PAX7: variants seen among roughly 807,000 people sequenced by gnomAD.
PAX7 encodes paired box protein Pax-7.
In PAX7, 18 loss-of-function variants were observed where a neutral mutation model predicts 50.7. The observed-to-expected ratio is 0.36, with a 90% confidence interval of 0.25 to 0.53. The LOEUF is 0.53. PAX7 is among the 20% of genes least tolerant of loss of function. PAX7 has a pLI of 0.93. For synonymous variants in PAX7, 310 were observed against 290.4 expected, an observed-to-expected ratio of 1.07 and a Z score of -0.69; for missense variants, 644 against 702.9, an observed-to-expected ratio of 0.92 and a Z score of 0.95.
At chr1:18,640,661 TCAAA>T (rs2088237022) in intron 4 of PAX7, among the ~76,000 whole-genome samples, 2 of 152,184 alleles carry the variant, frequency 1.3e-5, no homozygotes, top group East Asian at 1.9e-4. Flanking sequence ...GGCAATCTAA[TCAAA>T]CAGAGTCCAG....
chr1:18,692,942 A>C (rs1570179265), intron 5 of PAX7, among the ~76,000 whole-genome samples: 1 of 151,798 alleles, frequency 6.6e-6, no homozygotes, highest in Non-Finnish European at 1.5e-5. Context: ...ACATTGCCTC[A>C]CCTCCCCAGG....
intron 4 of PAX7, among the ~76,000 whole-genome samples, chr1:18,653,658 C>T (rs892209920): frequency 6.6e-6 from 1 of 151,988 alleles, no homozygotes; most frequent in South Asian, 2.1e-4. Flanking sequence ...TCCACCATGT[C>T]CAGGCACAGG....
chr1:18,741,840 AT>A (rs1931151276), intron 8 of PAX7, among the ~76,000 whole-genome samples: 1 of 152,204 alleles, frequency 6.6e-6, no homozygotes, highest in African/African-American at 2.4e-5. Context: ...AGTGTTTTGC[AT>A]GTACAAAGGG....
At chr1:18,719,631 A>T (rs576679777) in intron 7 of PAX7, among the ~76,000 whole-genome samples, 1 of 152,356 alleles carries the variant, frequency 6.6e-6, no homozygotes, top group African/African-American at 2.4e-5. Context: ...CAGGGGCAGA[A>T]GTTCCGGAGC....
chr1:18,642,582 T>C (rs1022004689), intron 4 of PAX7, among the ~76,000 whole-genome samples: 1 of 152,150 alleles, frequency 6.6e-6, no homozygotes, highest in African/African-American at 2.4e-5. Context: ...TTAGAGGCGC[T>C]GGGAAGATTA....
chr1:18,674,607 C>T (rs1223355451), intron 4 of PAX7, among the ~76,000 whole-genome samples: 3 of 152,194 alleles, frequency 2.0e-5, no homozygotes. Flanking sequence ...AAGCTGGCCC[C>T]CTTGGCATCG....
chr1:18,658,769 T>G (rs529981457), intron 4 of PAX7, among the ~76,000 whole-genome samples: 1 of 152,334 alleles, frequency 6.6e-6, no homozygotes, highest in African/African-American at 2.4e-5. Flanking sequence ...GACACGTGGC[T>G]GGGCAAGGTT....
chr1:18,659,805 C>T (rs2088574273), intron 4 of PAX7, among the ~76,000 whole-genome samples: 1 of 152,146 alleles, frequency 6.6e-6, no homozygotes, highest in African/African-American at 2.4e-5. Flanking sequence ...GATTGTTGCT[C>T]ACCCTACCCC....
intron 4 of PAX7, among the ~76,000 whole-genome samples, chr1:18,676,361 T>G: frequency 6.8e-6 from 1 of 146,198 alleles, no homozygotes; most frequent in South Asian, 2.2e-4. Context: ...TGCAGTAGAT[T>G]GATGGGGGCA....
At chr1:18,710,645 C>T (rs971438371) in intron 7 of PAX7, among the ~76,000 whole-genome samples, 13 of 152,166 alleles carry the variant, frequency 8.5e-5, no homozygotes, top group African/African-American at 3.1e-4. Context: ...GCAACAAGAT[C>T]TCATTAACAA....
chr1:18,716,758 C>T lies in PAX7; in HGVS notation c.1155+13462C>T, dbSNP rs1236530043. 3.3e-5 allele frequency among the ~76,000 whole-genome samples: 5 copies of T among 152,078 alleles called. No homozygotes were observed. The East Asian group carries it at 7.8e-4, about 24-fold the overall frequency. On this transcript the variant is annotated intron_variant, in intron 7 of 8. Transcript: ENST00000420770. ...TGGCCTCGCCTCTACCCATTCTCTT[C>T]CCCCTAATCTCTCTCATTCTCCTCT...
chr1:18,729,060 G>C (rs1000446846), intron 7 of PAX7, among the ~76,000 whole-genome samples: 5 of 152,182 alleles, frequency 3.3e-5, no homozygotes, highest in Non-Finnish European at 7.3e-5. Flanking sequence ...AGGAACCAAG[G>C]CAAGTTGTGA....
intron 7 of PAX7, among the ~76,000 whole-genome samples, chr1:18,733,605 C>G (rs1489925299): frequency 6.6e-6 from 1 of 152,080 alleles, no homozygotes; most frequent in Non-Finnish European, 1.5e-5. Flanking sequence ...GAGGGGAGAC[C>G]CCCAGGGCTG....
intron 4 of PAX7, among the ~76,000 whole-genome samples, chr1:18,682,974 C>T (rs1256196295): frequency 1.3e-5 from 2 of 152,180 alleles, no homozygotes; most frequent in African/African-American, 4.8e-5. Context: ...GGCAGGGCAC[C>T]TGGCTGGGGT....
intron 5 of PAX7, among the ~76,000 whole-genome samples, chr1:18,693,029 G>T (rs2089097479): frequency 6.6e-6 from 1 of 152,168 alleles, no homozygotes; most frequent in Non-Finnish European, 1.5e-5. Flanking sequence ...GCTGGAAAGG[G>T]CTGAGGCTGG....
At chr1:18,699,881 C>T (rs1247979556) in intron 5 of PAX7, among the ~76,000 whole-genome samples, 1 of 152,062 alleles carries the variant, frequency 6.6e-6, no homozygotes, top group Non-Finnish European at 1.5e-5. Context: ...TAAGTTTGAA[C>T]CTCAGCTCCA....
In PAX7 at chr1:18,631,427, G is replaced by A. The variant is rs572317267; in HGVS notation, c.-177G>A. ...ACCCCCCTCCCCAGCTTCTGGACGC[G>A]TTTGACTGCAGCCAGGGGTGGGGGG... On this transcript the variant is annotated 5_prime_UTR_variant, in exon 1 of 9. Transcript: ENST00000420770. 3 of 611,922 alleles carry A rather than the reference G, an allele frequency of 4.9e-6. No homozygotes were observed. The highest frequency in any genetic ancestry group is 5.9e-6 in the Non-Finnish European group (2 of 341,112). 37.9% of individuals were successfully genotyped at this position (611,922 alleles called of 1,614,324 possible). A position where few individuals can be genotyped will look rare whatever the true frequency, so the allele number is the denominator to read the frequency against.
chr1:18,681,129 T>A (rs1160326981), intron 4 of PAX7, among the ~76,000 whole-genome samples: 1 of 134,526 alleles, frequency 7.4e-6, no homozygotes, highest in Non-Finnish European at 1.5e-5. Context: ...ATTGTACCAT[T>A]GCACTCCAGC....
intron 7 of PAX7, among the ~76,000 whole-genome samples, chr1:18,727,896 G>A (rs546762681): frequency 3.9e-5 from 6 of 152,176 alleles, no homozygotes; most frequent in African/African-American, 9.6e-5. Context: ...GGGGGACAGG[G>A]AGACCTGCAG....
Sources: allele counts gnomAD v4.1 joint callset (sites outside exome capture counted in the v4.1 genomes callset), GRCh38; gene constraint gnomAD v4.1.1; transcripts MANE v1.5; gene names NCBI Gene and HGNC (gene_info 2026-07-23, HGNC 2026-07-21).